The following ATXN3 variants were observed in gnomAD, a reference collection of about 807,000 sequenced individuals.
ATXN3 encodes the protein ataxin 3, also known as ataxin-3.
In ATXN3, 28 loss-of-function variants were observed where a neutral mutation model predicts 58.2. That is an observed-to-expected ratio of 0.48 (90% CI 0.36 to 0.66). ATXN3 has a LOEUF of 0.66. Ranked by LOEUF, ATXN3 falls within the 30% of genes least tolerant of loss-of-function variation. ATXN3 has a pLI of 0.00. For synonymous variants in ATXN3, 113 were observed against 138.5 expected, an observed-to-expected ratio of 0.82 and a Z score of 1.29; for missense variants, 321 against 422.1, an observed-to-expected ratio of 0.76 and a Z score of 2.10.
At chr14:92,066,672 A>G (rs2058503079) in intron 10 of ATXN3, among the ~76,000 whole-genome samples, 1 of 139,026 alleles carries the variant, frequency 7.2e-6, no homozygotes, top group South Asian at 2.2e-4. Flanking sequence ...CAGTGGCATG[A>G]GCTTGGCTCA....
chr14:92,074,066 C>CCTG (rs1469554164), intron 9 of ATXN3, among the ~76,000 whole-genome samples: 1 of 148,458 alleles, frequency 6.7e-6, no homozygotes, highest in Non-Finnish European at 1.5e-5. Flanking sequence ...GTGGCTCATA[C>CCTG]CTGTAATCAC....
At chr14:92,050,958 C>T (rs2057445929), upstream of ATXN3, among the ~76,000 whole-genome samples, 1 of 152,190 alleles carries the variant, frequency 6.6e-6, no homozygotes. Context: ...TTTATTTATG[C>T]AACTATAAAG....
At chr14:92,071,604 C>T in intron 9 of ATXN3, 1 of 275,434 alleles carries the variant, frequency 3.6e-6, no homozygotes, top group South Asian at 3.8e-5. Context: ...CTCAAAAAAA[C>T]AACAAACAAA....
At chr14:92,094,503 G>A (rs548411078) in intron 3 of ATXN3, among the ~76,000 whole-genome samples, 84 of 152,268 alleles carry the variant, frequency 5.5e-4, no homozygotes, top group African/African-American at 1.7e-3. Flanking sequence ...CTTGCTACCT[G>A]CAATGTCAGA....
At position 92,106,573 on chromosome 14, in the gene ATXN3, C is replaced by A. The variant is rs2068482619; in HGVS notation, c.-21G>T. 2 of 1,612,160 alleles carry A rather than the reference C, an allele frequency of 1.2e-6. No individual in the cohort carries two copies. Among genetic ancestry groups the A allele is most frequent in the Non-Finnish European group, 1.7e-6 (2 of 1,178,956 alleles). The stretch of plus-strand genomic sequence containing the variant: ...TCCATGTTTATTTGTCTGGAGCCAA[C>A]GGCCCCCACGCCGAACCACCCCCTC... On this transcript the variant is annotated 5_prime_UTR_variant, in exon 1 of 11. Transcript: ENST00000644486.
chr14:92,096,116 C>T lies in ATXN3; in HGVS notation c.211G>A (p.Asp71Asn). 3 of 1,443,210 alleles carry T rather than the reference C, an allele frequency of 2.1e-6. No individual in the cohort carries two copies. Among genetic ancestry groups the T allele is most frequent in the Non-Finnish European group, 2.8e-6 (3 of 1,071,458 alleles). The allele number at this position is 1,443,210 out of a possible 1,614,324, so 89.4% of individuals were successfully genotyped here. A position where few individuals can be genotyped will look rare whatever the true frequency, so the allele number is the denominator to read the frequency against. ...ACCTGAATAGAGAAAAAACCACTGT[C>T]ATCCATATTTCCAGAAGGCTGCTGT... ...FLQQPSGNMD[D>N]SGFFSIQVIS... The change falls in exon 3 of 11, where the codon GAC becomes AAC. Residue 71 changes from aspartate (D) to asparagine (N), a missense_variant. Physicochemically the swap from Asp to Asn is conservative, Grantham distance 23. Coordinates refer to ENST00000644486, the MANE Select transcript of ATXN3 (RefSeq NM_004993.6).
In ATXN3 at chr14:92,061,685, G is replaced by T. The variant is rs1246049518; in HGVS notation, c.*2635C>A. 2.0e-5 allele frequency: 3 copies of T among 152,194 alleles called. No individual in the cohort carries two copies. The highest frequency in any genetic ancestry group is 4.4e-5 in the Non-Finnish European group (3 of 68,034). 9.4% of individuals were successfully genotyped at this position (152,194 alleles called of 1,614,324 possible). ...GAATTTAGTTGTTCCTGACTTTCTT[G>T]CAGGTGGTTTACAGTAAATGGCAGT... On this transcript the variant is annotated 3_prime_UTR_variant, in exon 11 of 11. Transcript: ENST00000644486.
At position 92,106,502 on chromosome 14, in the gene ATXN3, A is replaced by G. The variant is rs561972494; in HGVS notation, c.24+27T>C. ...CCACGCCCGCCACCGCGCGGCAGAC[A>G]GCTCCCCACCGAACGCGGACACTCA... On this transcript the variant is annotated intron_variant, in intron 1 of 10. Coordinates refer to ENST00000644486, the MANE Select transcript of ATXN3 (RefSeq NM_004993.6). 28 of 1,612,418 alleles carry G rather than the reference A, an allele frequency of 1.7e-5. 1 individual carries two copies. The Admixed American group carries it at 3.7e-4, about 21-fold the overall frequency.
chr14:92,101,241 G>C (rs2066700890), intron 1 of ATXN3, among the ~76,000 whole-genome samples: 1 of 152,120 alleles, frequency 6.6e-6, no homozygotes, highest in African/African-American at 2.4e-5. Flanking sequence ...TGAGGTGGGA[G>C]GATCACTTGA....
intron 10 of ATXN3, among the ~76,000 whole-genome samples, chr14:92,066,050 C>T (rs941220047): frequency 1.3e-5 from 2 of 151,750 alleles, no homozygotes; most frequent in Non-Finnish European, 2.9e-5. Flanking sequence ...GCCTCAGCCT[C>T]CCTAAGTGCT....
chr14:92,106,338 G>T (rs1009561259), intron 1 of ATXN3, among the ~76,000 whole-genome samples, 191 bp downstream of exon 1: 20 of 151,858 alleles, frequency 1.3e-4, no homozygotes, highest in Non-Finnish European at 5.9e-5. Context: ...GGGGCCGCGG[G>T]GGAAGTAGGG....
intron 9 of ATXN3, among the ~76,000 whole-genome samples, chr14:92,074,841 T>G (rs945817608): frequency 2.6e-5 from 4 of 152,240 alleles, no homozygotes; most frequent in Admixed American, 2.6e-4. Context: ...CTCCTTGTTA[T>G]AGAACATTTG....
At position 92,082,450 on chromosome 14, in the gene ATXN3, G is replaced by C; in HGVS notation, c.625C>G (p.Leu209Val). 6.2e-7 allele frequency: 1 copy of C among 1,613,698 alleles called. No individual in the cohort carries two copies. The highest frequency in any genetic ancestry group is 1.1e-5 in the South Asian group (1 of 91,036). The change falls in exon 8 of 11, where the codon CTG (leucine) becomes GTG (valine). Residue 209 changes from leucine (L) to valine (V), a missense_variant. Coordinates refer to ENST00000644486, the MANE Select transcript of ATXN3 (RefSeq NM_004993.6). Reference sequence around the variant, plus strand: ...TCATTTGCTTCTAACACTCGTTCCAGGTCTGTTTTATGGACTCTAAAGAAC... The same window carrying C: ...TCATTTGCTTCTAACACTCGTTCCACGTCTGTTTTATGGACTCTAAAGAAC... ...LKEQRVHKTD[L>V]ERVLEANDGS... is the part of the protein sequence containing the mutation.
In ATXN3 at chr14:92,064,648, G is replaced by A. The variant is rs569413537; in HGVS notation, c.992-234C>T. 7.9e-5 allele frequency among the ~76,000 whole-genome samples: 12 copies of A among 152,046 alleles called. No individual in the cohort carries two copies. The East Asian group carries it at 1.5e-3, about 20-fold the overall frequency. ...TCCCCCATGCTGCCCCTTTGTGGTC[G>A]ATCCCCATTTCCTAATCCCAGATAG... On this transcript the variant is annotated intron_variant, in intron 10 of 10. Coordinates refer to ENST00000644486, the MANE Select transcript of ATXN3 (RefSeq NM_004993.6).
upstream of ATXN3, among the ~76,000 whole-genome samples, chr14:92,053,352 A>G (rs189259852): frequency 6.6e-6 from 1 of 152,248 alleles, no homozygotes. Flanking sequence ...CAGAATAAAA[A>G]CCACCTTGTA....
chr14:92,094,841 T>C (rs1021295914), intron 3 of ATXN3, among the ~76,000 whole-genome samples: 4 of 152,120 alleles, frequency 2.6e-5, no homozygotes, highest in African/African-American at 9.7e-5. Flanking sequence ...ATTTCAGCCC[T>C]GCAGTAGCCA....
At chr14:92,055,220 A>T (rs762574061), downstream of ATXN3, among the ~76,000 whole-genome samples, 1 of 152,032 alleles carries the variant, frequency 6.6e-6, no homozygotes, top group Non-Finnish European at 1.5e-5. This position sits in a 1 kb window ranked among gnomAD's most constrained non-coding sequence, Gnocchi z 4.5. Context: ...TAATCCAATG[A>T]ATGCATCTCC....
rs2057590827 is a variant in ATXN3 at position 92,059,424 on chromosome 14, A to T, written c.*4896T>A. On this transcript the variant is annotated 3_prime_UTR_variant, in exon 11 of 11. Coordinates refer to ENST00000644486, the MANE Select transcript of ATXN3 (RefSeq NM_004993.6). ...TTGAATATGAAAAATAAAGTTATTT[A>T]CATTGCTGACATGATTAGTTGATCC... is the stretch of plus-strand genomic sequence containing the variant. 1 of 152,236 alleles carries T rather than the reference A, an allele frequency of 6.6e-6. No individual in the cohort carries two copies. Among genetic ancestry groups the T allele is most frequent in the South Asian group, 2.1e-4 (1 of 4,834 alleles). The allele number at this position is 152,236 out of a possible 1,614,324, so 9.4% of individuals were successfully genotyped here.
upstream of ATXN3, among the ~76,000 whole-genome samples, chr14:92,052,297 C>G (rs1393291775): frequency 1.3e-5 from 2 of 151,636 alleles, no homozygotes; most frequent in Admixed American, 6.6e-5. Context: ...GAGTTTGAGA[C>G]CACCCTGACC....
Sources: gnomAD v4.1 joint callset for allele counts (sites outside exome capture counted in the v4.1 genomes callset) on GRCh38, gnomAD v4.1.1 for gene constraint, Gnocchi (gnomAD v3.1) non-coding constraint, MANE v1.5 for transcripts, NCBI Gene and HGNC (gene_info 2026-07-23, HGNC 2026-07-21) for gene names.